Variants in EEPD1 observed in about 807,000 individuals in gnomAD.
The protein encoded by EEPD1 is endonuclease/exonuclease/phosphatase family domain containing 1.
EEPD1 carries 17 observed loss-of-function variants against 46.3 expected under a neutral mutation model. The observed-to-expected ratio is 0.37, with a 90% CI of 0.25 to 0.55. The LOEUF is 0.55. Ranked by LOEUF, EEPD1 falls within the 20% of genes least tolerant of loss-of-function variation. The probability of loss-of-function intolerance (pLI) is 0.83; values close to 1 mark genes in which losing one functional copy is unlikely to be tolerated. For synonymous variants in EEPD1, 313 were observed against 315.6 expected, an observed-to-expected ratio of 0.99 and a Z score of 0.09; for missense variants, 673 against 745.6, an observed-to-expected ratio of 0.90 and a Z score of 1.13.
At chr7:36,179,699 A>G (rs1020397675) in intron 2 of EEPD1, among the ~76,000 whole-genome samples, 2 of 2,206 alleles carry the variant, frequency 9.1e-4, no homozygotes, top group East Asian at 0.071. Context: ...GTCTCTACTA[A>G]AAAAAAAAAA....
intron 2 of EEPD1, among the ~76,000 whole-genome samples, chr7:36,222,213 G>A (rs762994394): frequency 1.3e-5 from 2 of 152,070 alleles, no homozygotes; most frequent in African/African-American, 2.4e-5. Flanking sequence ...CAAGTATTTT[G>A]TATGTCATAT....
Position 36,155,162 on chromosome 7 carries a change from G to A in EEPD1, c.838G>A (p.Gly280Arg). Residue 280 changes from glycine to arginine, a missense_variant, in exon 2 of 8, where the codon GGG (glycine) becomes AGG (arginine). Gly to Arg is a moderately radical substitution (Grantham distance 125). Transcript: ENST00000242108. ...GCSVEKANNPGVREVVCMTLL... is the reference protein window; with the variant it reads ...GCSVEKANNPRVREVVCMTLL... Reference sequence around the variant, plus strand: ...TTCCGTGGAGAAGGCCAACAACCCCGGGGTGCGAGAGGTGGTGTGCATGAC... The same window carrying A: ...TTCCGTGGAGAAGGCCAACAACCCCAGGGTGCGAGAGGTGGTGTGCATGAC... The A allele has an allele frequency of 2.0e-6, 3 of 1,522,570 alleles. No homozygotes were observed. Among genetic ancestry groups the A allele is most frequent in the Non-Finnish European group, 2.6e-6 (3 of 1,136,516 alleles). 94.3% of individuals were successfully genotyped at this position (1,522,570 alleles called of 1,614,324 possible). A position where few individuals can be genotyped will look rare whatever the true frequency, so the allele number is the denominator to read the frequency against.
intron 2 of EEPD1, among the ~76,000 whole-genome samples, chr7:36,185,054 C>T (rs1369467260): frequency 6.6e-6 from 1 of 152,142 alleles, no homozygotes; most frequent in African/African-American, 2.4e-5. Flanking sequence ...ATTAATGATC[C>T]AATGAACAAC....
chr7:36,255,738 A>AGTG (rs1237007771), intron 3 of EEPD1, among the ~76,000 whole-genome samples: 1 of 152,030 alleles, frequency 6.6e-6, no homozygotes, highest in African/African-American at 2.4e-5. Context: ...TAGTCTGGCT[A>AGTG]GTGGTCTATC....
Position 36,284,636 on chromosome 7 carries a change from G to C in EEPD1, c.1042-50G>C, listed in dbSNP as rs746590280. 3.8e-6 allele frequency: 6 copies of C among 1,579,486 alleles called. No homozygotes were observed. In the East Asian group the frequency reaches 1.4e-4, roughly 37 times the overall value. On this transcript the variant is annotated intron_variant, in intron 4 of 7. Transcript: ENST00000242108. ...CTGGCCTCTCTGCCTCCTTTCCCCAGGTGGCGCTAGGGCTCTGGCACCAAG... is the reference window on the plus strand; with the variant it reads ...CTGGCCTCTCTGCCTCCTTTCCCCACGTGGCGCTAGGGCTCTGGCACCAAG...
intron 3 of EEPD1, among the ~76,000 whole-genome samples, chr7:36,267,352 A>T (rs1787038777): frequency 6.6e-6 from 1 of 151,982 alleles, no homozygotes; most frequent in Non-Finnish European, 1.5e-5. Flanking sequence ...CTGCAAGATC[A>T]TCTCCCCACC....
chr7:36,203,960 C>CTTT (rs369500845), intron 2 of EEPD1, among the ~76,000 whole-genome samples: 1 of 142,676 alleles, frequency 7.0e-6, no homozygotes, highest in Non-Finnish European at 1.5e-5. Flanking sequence ...TTATAAACCA[C>CTTT]TTTTTTTTTT....
intron 2 of EEPD1, among the ~76,000 whole-genome samples, chr7:36,161,191 A>T (rs1365331529): frequency 6.6e-6 from 1 of 152,222 alleles, no homozygotes; most frequent in Non-Finnish European, 1.5e-5. Flanking sequence ...TCAGTTCAAC[A>T]TTGAGCAGCT....
intron 2 of EEPD1, among the ~76,000 whole-genome samples, chr7:36,207,151 C>T (rs1785835249): frequency 6.6e-6 from 1 of 152,122 alleles, no homozygotes; most frequent in South Asian, 2.1e-4. Flanking sequence ...GGTGCTAGGC[C>T]CTAATTTGCA....
intron 2 of EEPD1, among the ~76,000 whole-genome samples, chr7:36,191,182 G>A (rs949529170): frequency 7.2e-5 from 11 of 152,236 alleles, no homozygotes; most frequent in Non-Finnish European, 1.6e-4. Context: ...TTTGTGCCAA[G>A]CATTGTTATC....
At chr7:36,241,552 A>G (rs552735844) in intron 3 of EEPD1, among the ~76,000 whole-genome samples, 1 of 152,254 alleles carries the variant, frequency 6.6e-6, no homozygotes, top group Admixed American at 6.5e-5. Flanking sequence ...GTATCAGTAT[A>G]ATAAAAATGC....
intron 2 of EEPD1, among the ~76,000 whole-genome samples, chr7:36,174,845 CT>C (rs1306963014): frequency 2.6e-5 from 4 of 152,180 alleles, no homozygotes; most frequent in African/African-American, 7.2e-5. Flanking sequence ...GATATTTGCC[CT>C]GTTAAAAGAA....
chr7:36,203,205 T>G (rs557115342), intron 2 of EEPD1, among the ~76,000 whole-genome samples: 1 of 152,268 alleles, frequency 6.6e-6, no homozygotes, highest in South Asian at 2.1e-4. Flanking sequence ...GCCATGCCAG[T>G]GTGCAGGAGG....
intron 2 of EEPD1, among the ~76,000 whole-genome samples, chr7:36,200,701 G>C (rs1785697847): frequency 6.6e-6 from 1 of 152,146 alleles, no homozygotes; most frequent in African/African-American, 2.4e-5. Flanking sequence ...GGTCATCACT[G>C]AGATTACATT....
intron 5 of EEPD1, among the ~76,000 whole-genome samples, chr7:36,285,088 T>G (rs746546570): frequency 2.0e-5 from 3 of 152,180 alleles, no homozygotes; most frequent in Non-Finnish European, 4.4e-5. Flanking sequence ...GTATAGCTCC[T>G]AAACCTGACC....
rs1787607594 is a variant in EEPD1, at chr7:36,300,691, A to G, written c.*1485A>G. 6.6e-6 allele frequency: 1 copy of G among 152,168 alleles called. No homozygotes were observed. The highest frequency in any genetic ancestry group is 1.5e-5 in the Non-Finnish European group (1 of 68,010). The allele number at this position is 152,168 out of a possible 1,614,324, so 9.4% of individuals were successfully genotyped here. Reference sequence around the variant, plus strand: ...CTGACCTGGAGCTGATGGGCCGTGAAGGGGGCCTATTTTTCTCCAAAGGCC... The same window carrying G: ...CTGACCTGGAGCTGATGGGCCGTGAGGGGGGCCTATTTTTCTCCAAAGGCC... On this transcript the variant is annotated 3_prime_UTR_variant, in exon 8 of 8. Transcript: ENST00000242108.
rs184188966 is a variant in EEPD1, at chr7:36,222,812, T to C, written c.879-16173T>C. Among the ~76,000 whole-genome samples the C allele has an allele frequency of 1.1e-3, 169 of 152,260 alleles. 2 individuals are homozygous for C. The highest frequency in any genetic ancestry group is 3.8e-3 in the African/African-American group (158 of 41,540). On this transcript the variant is annotated intron_variant, in intron 2 of 7. Coordinates refer to ENST00000242108, the MANE Select transcript of EEPD1 (RefSeq NM_030636.3). ...CTTTTATAAAGTCACTAAACCCTCA[T>C]GTCCTAATCACCTCCCAAAGGCCTC... is the stretch of plus-strand genomic sequence containing the variant.
At chr7:36,237,941 A>G (rs1786487159) in intron 2 of EEPD1, among the ~76,000 whole-genome samples, 1 of 152,154 alleles carries the variant, frequency 6.6e-6, no homozygotes, top group South Asian at 2.1e-4. Context: ...ACAGAGTGAG[A>G]CTGTCTCAAA....
intron 2 of EEPD1, among the ~76,000 whole-genome samples, chr7:36,203,851 G>A (rs1229941349): frequency 1.3e-5 from 2 of 152,094 alleles, no homozygotes; most frequent in African/African-American, 2.4e-5. Flanking sequence ...CAGAATAGCT[G>A]CTGTTAGTGC....
Sources: allele counts gnomAD v4.1 joint callset (sites outside exome capture counted in the v4.1 genomes callset), GRCh38; gene constraint gnomAD v4.1.1; transcripts MANE v1.5; gene names NCBI Gene and HGNC (gene_info 2026-07-23, HGNC 2026-07-21).